The following HOOK1 variants were observed in gnomAD, a reference collection of about 807,000 sequenced individuals.
HOOK1 encodes the protein hook microtubule tethering protein 1.
HOOK1 carries 60 observed loss-of-function variants against 112.8 expected under a neutral mutation model. The observed-to-expected ratio is 0.53, with a 90% confidence interval of 0.43 to 0.66. The LOEUF (loss-of-function observed/expected upper bound fraction) is 0.66. Ranked by LOEUF, HOOK1 falls within the 30% of genes least tolerant of loss-of-function variation. The probability of loss-of-function intolerance (pLI) is 0.00; values close to 1 mark genes in which losing one functional copy is unlikely to be tolerated. For synonymous variants in HOOK1, 294 were observed against 283.8 expected (o/e 1.04, Z -0.36); for missense variants, 770 against 856.0 (o/e 0.90, Z 1.25).
intron 16 of HOOK1, 37 bp downstream of exon 16, chr1:59,862,914 A>G (rs1192006326): frequency 8.3e-7 from 1 of 1,201,664 alleles, no homozygotes; most frequent in Non-Finnish European, 1.2e-6. Flanking sequence ...TCTGCTGTGT[A>G]TGGCTTTTCT....
Position 59,868,235 on chromosome 1 carries a change from T to G in HOOK1, c.1846-15T>G, listed in dbSNP as rs373906570. On this transcript the variant is annotated splice_polypyrimidine_tract_variant and intron_variant, in intron 19 of 21. Transcript: ENST00000371208. Reference sequence around the variant, plus strand: ...TAAAATATAAAGTGAACATAGTATTTTTTTCTTTAAACAGGTAATAAAAAC... The same window carrying G: ...TAAAATATAAAGTGAACATAGTATTGTTTTCTTTAAACAGGTAATAAAAAC... The G allele has an allele frequency of 1.0e-4, 141 of 1,375,654 alleles. 2 individuals are homozygous for G. The South Asian group carries it at 1.6e-3, about 16-fold the overall frequency. The allele number at this position is 1,375,654 out of a possible 1,614,324, so 85.2% of individuals were successfully genotyped here.
intron 12 of HOOK1, among the ~76,000 whole-genome samples, chr1:59,849,874 C>T (rs1574206082): frequency 6.6e-6 from 1 of 151,520 alleles, no homozygotes; most frequent in Admixed American, 6.6e-5. Context: ...AGTTTATGAA[C>T]ATTTGGGTTG....
chr1:59,829,679 G>A (rs575578916), intron 3 of HOOK1, among the ~76,000 whole-genome samples: 1 of 151,916 alleles, frequency 6.6e-6, no homozygotes, highest in Non-Finnish European at 1.5e-5. Context: ...GATAAGTCTG[G>A]CTAGATGTTT....
intron 12 of HOOK1, among the ~76,000 whole-genome samples, chr1:59,858,027 A>G (rs192570904): frequency 1.7e-3 from 263 of 152,332 alleles, no homozygotes; most frequent in African/African-American, 5.7e-3. Flanking sequence ...GCAAGGGTTT[A>G]TGTATCAGTA....
rs2098380227 is a variant in HOOK1, at chr1:59,815,157, CT to C, written c.41del (p.Leu14ArgfsTer6). 1 of 1,543,774 alleles carries C rather than the reference CT, an allele frequency of 6.5e-7. No individual in the cohort carries two copies. Among genetic ancestry groups the C allele is most frequent in the Non-Finnish European group, 8.7e-7 (1 of 1,146,586 alleles). Reference protein sequence around the residue: ...TQPPPQPKLPLCDSLMIWLQT... With the variant: ...TQPPPQPKLPXCDSLMIWLQT... ...GCCGCCGCCGCAGCCTAAGCTGCCC[CT>C]GTGCGACAGCCTCATGATCTGGGTG... On this transcript the variant is annotated frameshift_variant, in exon 1 of 22. Transcript: ENST00000371208. LOFTEE classifies it high-confidence loss of function.
At chr1:59,847,227 C>G (rs1249677297) in intron 10 of HOOK1, 42 bp downstream of exon 10, 1 of 1,500,096 alleles carries the variant, frequency 6.7e-7, no homozygotes, top group African/African-American at 1.4e-5. Flanking sequence ...CATTTCTGAG[C>G]TATTTAGTCA....
At chr1:59,843,631 TTCTG>T (rs1437336817) in intron 9 of HOOK1, 33 bp downstream of exon 9, 26 of 1,548,914 alleles carry the variant, frequency 1.7e-5, no homozygotes, top group East Asian at 4.5e-5. Context: ...TTTTATGGAG[TTCTG>T]TCTATTATAC....
At chr1:59,837,622 A>G (rs898444498) in intron 7 of HOOK1, among the ~76,000 whole-genome samples, 11 of 152,118 alleles carry the variant, frequency 7.2e-5, no homozygotes, top group African/African-American at 2.7e-4. Flanking sequence ...TTTTGCAGGG[A>G]TTTACATAAA....
At chr1:59,844,058 G>A (rs374605823) in intron 9 of HOOK1, among the ~76,000 whole-genome samples, 2 of 152,024 alleles carry the variant, frequency 1.3e-5, no homozygotes, top group South Asian at 2.1e-4. Flanking sequence ...ATACCACTCA[G>A]CCATGAACTA....
intron 5 of HOOK1, 52 bp from the exon 6 acceptor site, chr1:59,835,293 T>A: frequency 1.1e-6 from 1 of 933,256 alleles, no homozygotes; most frequent in Non-Finnish European, 1.8e-6. Flanking sequence ...ATGGCTAAGG[T>A]ACTATGTGTA....
intron 1 of HOOK1, among the ~76,000 whole-genome samples, chr1:59,818,293 T>C (rs190404346): frequency 3.3e-4 from 51 of 152,318 alleles, no homozygotes; most frequent in African/African-American, 1.2e-3. Context: ...TGGGAATAAC[T>C]CTTCTTTCAG....
At chr1:59,833,311 G>T in intron 4 of HOOK1, 94 bp from the exon 5 acceptor site, 1 of 922,116 alleles carries the variant, frequency 1.1e-6, no homozygotes, top group Admixed American at 3.3e-5. Context: ...GAGTTGTTTC[G>T]TGAATTTATA....
intron 4 of HOOK1, among the ~76,000 whole-genome samples, chr1:59,833,111 T>C (rs1023897238): frequency 6.6e-6 from 1 of 152,162 alleles, no homozygotes; most frequent in African/African-American, 2.4e-5. Flanking sequence ...GCATAAGTTT[T>C]ATCATAGTAG....
chr1:59,862,757 A>G, intron 15 of HOOK1, 27 bp from the exon 16 acceptor site: 1 of 1,402,890 alleles, frequency 7.1e-7, no homozygotes, highest in South Asian at 1.2e-5. Flanking sequence ...CAATACAAGT[A>G]AATGCTTATG....
intron 21 of HOOK1, among the ~76,000 whole-genome samples, chr1:59,872,306 A>G (rs1644067043): frequency 6.6e-6 from 1 of 152,250 alleles, no homozygotes; most frequent in African/African-American, 2.4e-5. Context: ...AACTTGCCTC[A>G]GAAGACTTGT....
chr1:59,826,684 C>G (rs2098390179), intron 2 of HOOK1, among the ~76,000 whole-genome samples: 1 of 152,122 alleles, frequency 6.6e-6, no homozygotes, highest in Non-Finnish European at 1.5e-5. Context: ...TCAGGGTTGT[C>G]CAGAGAAACA....
Position 59,848,394 on chromosome 1 carries a change from C to T in HOOK1, c.1009C>T (p.Arg337Cys), listed in dbSNP as rs781567088. Reference protein sequence around the residue: ...RQKLQDLNDLRKQVKTLQETN... With the variant: ...RQKLQDLNDLCKQVKTLQETN... ...GAAGCTACAAGATCTGAATGACCTT[C>T]GCAAGCAGGTGAAAACTTTACAGGA... The change falls in exon 11 of 22, where the codon CGC becomes TGC. Residue 337 changes from arginine to cysteine, a missense_variant. By Grantham distance (180) the Arg-to-Cys change is radical. This residue lies in a region of HOOK1 where 655 missense variants were observed against 725.9 expected (regional missense o/e 0.90). Transcript: ENST00000371208. 18 of 1,610,992 alleles carry T rather than the reference C, an allele frequency of 1.1e-5. No individual in the cohort carries two copies. The highest frequency in any genetic ancestry group is 1.1e-4 in the East Asian group (5 of 44,762).
Position 59,865,143 on chromosome 1 carries a change from A to G in HOOK1, c.1662-20A>G, listed in dbSNP as rs987374563. 5 of 1,492,142 alleles carry G rather than the reference A, an allele frequency of 3.4e-6. No homozygotes were observed. The highest frequency in any genetic ancestry group is 2.8e-5 in the African/African-American group (2 of 72,520). 92.4% of individuals were successfully genotyped at this position (1,492,142 alleles called of 1,614,324 possible). On this transcript the variant is annotated intron_variant, in intron 17 of 21. Transcript: ENST00000371208. ...TGTTATATGGCAGAGACCAGTCTCC[A>G]TGCTTTTTCTACCACTTAGGGAAAA...
intron 9 of HOOK1, among the ~76,000 whole-genome samples, chr1:59,844,439 T>C (rs1385542651): frequency 6.6e-6 from 1 of 151,928 alleles, no homozygotes; most frequent in African/African-American, 2.4e-5. Context: ...TGGACTCTCA[T>C]TTCATTTCTG....
Sources: allele counts gnomAD v4.1 joint callset (sites outside exome capture counted in the v4.1 genomes callset), GRCh38; gene constraint gnomAD v4.1.1; regional missense constraint gnomAD v4.1.1; transcripts MANE v1.5; gene names NCBI Gene and HGNC (gene_info 2026-07-23, HGNC 2026-07-21).